CCDC60: variants seen among roughly 807,000 people sequenced by gnomAD.
CCDC60 encodes coiled-coil domain containing 60.
In CCDC60, 54 loss-of-function variants were observed where a neutral mutation model predicts 63.5. The ratio of observed to expected loss-of-function variants is 0.85; its 90% CI spans 0.68 to 1.07. The LOEUF is 1.07. Ranked by LOEUF, CCDC60 falls within the 50% of genes least tolerant of loss-of-function variation. The pLI, the probability that CCDC60 is intolerant of heterozygous loss-of-function variation, is 0.00. For synonymous variants in CCDC60, 206 were observed against 238.8 expected (o/e 0.86, Z 1.27); for missense variants, 651 against 684.3 (o/e 0.95, Z 0.54).
At chr12:119,358,025 G>A (rs778044099) in intron 1 of CCDC60, among the ~76,000 whole-genome samples, 8 of 152,220 alleles carry the variant, frequency 5.3e-5, no homozygotes, top group African/African-American at 9.6e-5. Context: ...GGGGCAAGGC[G>A]AGCTACACAC....
At chr12:119,394,967 T>A (rs1956224658) in intron 1 of CCDC60, among the ~76,000 whole-genome samples, 1 of 152,062 alleles carries the variant, frequency 6.6e-6, no homozygotes, top group Non-Finnish European at 1.5e-5. Flanking sequence ...AAGAAGGGGG[T>A]GCTTACGAAG....
At chr12:119,448,112 T>C (rs546164674) in intron 2 of CCDC60, among the ~76,000 whole-genome samples, 93 of 151,960 alleles carry the variant, frequency 6.1e-4, no homozygotes, top group Non-Finnish European at 1.1e-3. Context: ...ATGATGCCTA[T>C]AGTAACAATA....
chr12:119,474,963 G>A (rs1951143634), intron 3 of CCDC60, among the ~76,000 whole-genome samples: 1 of 152,220 alleles, frequency 6.6e-6, no homozygotes, highest in Non-Finnish European at 1.5e-5. Flanking sequence ...AGGGTTCCAG[G>A]TGATGGATGA....
At chr12:119,504,216 T>C (rs1020498572) in intron 6 of CCDC60, among the ~76,000 whole-genome samples, 1 of 152,220 alleles carries the variant, frequency 6.6e-6, no homozygotes, top group African/African-American at 2.4e-5. Flanking sequence ...ATTTTCTTGC[T>C]GTGACCTTGA....
intron 1 of CCDC60, among the ~76,000 whole-genome samples, chr12:119,384,803 T>A (rs144868074): frequency 4.7e-4 from 71 of 152,370 alleles, no homozygotes; most frequent in Middle Eastern, 3.4e-3. Context: ...AAGCTATTTC[T>A]GGGCATCACC....
intron 4 of CCDC60, among the ~76,000 whole-genome samples, chr12:119,480,751 C>CTCACCATCATCATCA (rs1368890270): frequency 8.9e-6 from 1 of 112,066 alleles, no homozygotes; most frequent in African/African-American, 3.4e-5. Flanking sequence ...CACCATCATC[C>CTCACCATCATCATCA]TCACCATCAT....
chr12:119,423,184 T>G (rs991048064), intron 1 of CCDC60, among the ~76,000 whole-genome samples: 3 of 151,936 alleles, frequency 2.0e-5, no homozygotes, highest in African/African-American at 7.3e-5. Flanking sequence ...TGACAATTTT[T>G]GGGGGGGCGA....
intron 5 of CCDC60, among the ~76,000 whole-genome samples, chr12:119,491,336 T>G (rs1307191161): frequency 6.6e-6 from 1 of 152,206 alleles, no homozygotes; most frequent in African/African-American, 2.4e-5. Context: ...TTTGTTTTTG[T>G]TTTTGTTTTT....
rs371844013 is a variant in CCDC60, at chr12:119,523,792, G to A, written c.1203G>A (p.Leu401=). 6.2e-7 allele frequency: 1 copy of A among 1,614,038 alleles called. No homozygotes were observed. Among genetic ancestry groups the A allele is most frequent in the African/African-American group, 1.3e-5 (1 of 74,924 alleles). Residue 401 remains leucine, a synonymous_variant, in exon 11 of 14, where the codon CTG becomes CTA. Coordinates refer to ENST00000327554, the MANE Select transcript of CCDC60 (RefSeq NM_178499.5). ...YSVAQEAGFC[L]QDKMEILMKR... is the part of the protein sequence containing the mutation. ...TAGCCCAGGAGGCTGGCTTCTGCCT[G>A]CAGGACAAGATGGAAATCCTCATGA...
chr12:119,412,761 C>G (rs1488762883), intron 1 of CCDC60, among the ~76,000 whole-genome samples: 1 of 91,878 alleles, frequency 1.1e-5, no homozygotes, highest in Non-Finnish European at 2.5e-5. Context: ...GTAAAGCCCC[C>G]CACCCCCCCC....
rs1166672173 is a variant in CCDC60 at position 119,456,047 on chromosome 12, G to GAA, written c.171-15945_171-15944dup. ...AGAAAGAAAGAAAGAAAGAAAGAAA[G>GAA]AAAGAAAGAAAGAAAGCAAGCAAGC... On this transcript the variant is annotated intron_variant, in intron 2 of 13. Coordinates refer to ENST00000327554, the MANE Select transcript of CCDC60 (RefSeq NM_178499.5). The surrounding 1 kb of genome is among the most constrained non-coding windows in gnomAD (Gnocchi z 4.6). Among the ~76,000 whole-genome samples the GAA allele has an allele frequency of 1.2e-3, 171 of 147,424 alleles. 7 individuals are homozygous for GAA. The highest frequency in any genetic ancestry group is 2.0e-3 in the Non-Finnish European group (136 of 67,166).
chr12:119,454,473 A>T (rs1175777301), intron 2 of CCDC60, among the ~76,000 whole-genome samples: 1 of 151,996 alleles, frequency 6.6e-6, no homozygotes, highest in African/African-American at 2.4e-5. Context: ...CCTGTTGCCT[A>T]TTTACCAGCT....
intron 5 of CCDC60, among the ~76,000 whole-genome samples, chr12:119,495,070 G>A (rs1403899610): frequency 6.6e-6 from 1 of 152,112 alleles, no homozygotes; most frequent in Admixed American, 6.5e-5. Context: ...CACTGCTCTG[G>A]GTGTATTACC....
chr12:119,377,280 GAA>G (rs1435338002), intron 1 of CCDC60, among the ~76,000 whole-genome samples: 8 of 116,260 alleles, frequency 6.9e-5, no homozygotes, highest in African/African-American at 1.6e-4. Context: ...AAAAAAAAAA[GAA>G]AAAGAAAGAA....
At chr12:119,528,587 T>C in intron 11 of CCDC60, 28 bp from the exon 12 acceptor site, 1 of 1,600,046 alleles carries the variant, frequency 6.2e-7, no homozygotes, top group Non-Finnish European at 8.5e-7. Context: ...ATCTCATTCT[T>C]CTCTCTCTTT....
intron 13 of CCDC60, among the ~76,000 whole-genome samples, chr12:119,537,654 G>C (rs4586235): frequency 2.0e-5 from 3 of 152,060 alleles, no homozygotes; most frequent in Admixed American, 6.5e-5. Flanking sequence ...TTAGTTTTCC[G>C]TCTCACAGTC....
At position 119,537,796 on chromosome 12, in the gene CCDC60, CA is replaced by C. The variant is rs575538376; in HGVS notation, c.1552-2815del. 2.0e-4 allele frequency among the ~76,000 whole-genome samples: 31 copies of C among 152,296 alleles called. 1 individual carries two copies. The South Asian group carries it at 6.2e-3, about 31-fold the overall frequency. ...GATCCTTCCTCTGGAAGCTTCGTCC[CA>C]AAGGGGCGCCCGCCTGTATGAGGTG... On this transcript the variant is annotated intron_variant, in intron 13 of 13. Transcript: ENST00000327554.
rs1258915717 is a variant in CCDC60 at position 119,505,291 on chromosome 12, C to A, written c.871C>A (p.Pro291Thr). The A allele has an allele frequency of 1.2e-6, 2 of 1,606,272 alleles. No individual in the cohort carries two copies. Among genetic ancestry groups the A allele is most frequent in the Non-Finnish European group, 1.7e-6 (2 of 1,177,624 alleles). Residue 291 changes from proline (P) to threonine (T), a missense_variant, in exon 7 of 14, where the codon CCT becomes ACT. Coordinates refer to ENST00000327554, the MANE Select transcript of CCDC60 (RefSeq NM_178499.5). ...ESSSTKPDEE[P>T]LYMNLQKLLE... ...ATCTTCAACCAAGCCAGATGAAGAA[C>A]CTCTGTATATGAGTAAGTCCTACCT...
intron 1 of CCDC60, among the ~76,000 whole-genome samples, chr12:119,382,633 T>C (rs1183127884): frequency 6.6e-6 from 1 of 152,096 alleles, no homozygotes; most frequent in Non-Finnish European, 1.5e-5. Context: ...AATGAATGAA[T>C]GAATAAGCAG....
Sources: allele counts gnomAD v4.1 joint callset (sites outside exome capture counted in the v4.1 genomes callset), GRCh38; gene constraint gnomAD v4.1.1; non-coding constraint Gnocchi (gnomAD v3.1); transcripts MANE v1.5; gene names NCBI Gene and HGNC (gene_info 2026-07-23, HGNC 2026-07-21).